Variants in PHTF2 observed in about 807,000 individuals in gnomAD.
PHTF2 encodes protein PHTF2.
A neutral mutation model predicts 101.2 loss-of-function variants in PHTF2; 60 were observed. That is an observed-to-expected ratio of 0.59 (90% CI 0.48 to 0.73). The LOEUF (loss-of-function observed/expected upper bound fraction) is 0.73, where lower values mean the gene tolerates loss of function less well. PHTF2 is among the 30% of genes least tolerant of loss of function. The pLI, the probability that PHTF2 is intolerant of heterozygous loss-of-function variation, is 0.00. For missense variants in PHTF2, 747 were observed against 908.7 expected, an observed-to-expected ratio of 0.82 and a Z score of 2.29; for synonymous variants, 311 against 307.3, an observed-to-expected ratio of 1.01 and a Z score of -0.13.
At position 77,855,145 on chromosome 7, in the gene PHTF2, T is replaced by C. The variant is rs527416206; in HGVS notation, c.147+311T>C. On this transcript the variant is annotated intron_variant, in intron 3 of 19. Coordinates refer to ENST00000416283, the Ensembl canonical transcript of PHTF2. Reference sequence around the variant, plus strand: ...GTGAGTACCGCCTGGGTACCACTTATGTGTATTCAAGACCCAAGGGGTCTT... The same window carrying C: ...GTGAGTACCGCCTGGGTACCACTTACGTGTATTCAAGACCCAAGGGGTCTT... Among the ~76,000 whole-genome samples, 8 of 152,312 alleles carry C rather than the reference T, an allele frequency of 5.3e-5. No individual in the cohort carries two copies. The South Asian group carries it at 1.7e-3, about 32-fold the overall frequency.
intron 3 of PHTF2, among the ~76,000 whole-genome samples, chr7:77,868,952 CAT>C (rs1044401530): frequency 2.0e-5 from 3 of 152,116 alleles, no homozygotes; most frequent in African/African-American, 7.2e-5. Flanking sequence ...TTGTACCACA[CAT>C]AAATATAGAT....
chr7:77,826,859 C>G (rs976052485), intron 1 of PHTF2, among the ~76,000 whole-genome samples: 1 of 152,156 alleles, frequency 6.6e-6, no homozygotes, highest in Non-Finnish European at 1.5e-5. Context: ...ATATAGCACT[C>G]CTTTCTTGAA....
intron 1 of PHTF2, among the ~76,000 whole-genome samples, chr7:77,823,508 C>T (rs1226065911): frequency 2.0e-5 from 3 of 152,238 alleles, no homozygotes; most frequent in Non-Finnish European, 4.4e-5. Context: ...CCTGAGCCAC[C>T]GTGCCTGGCC....
chr7:77,898,743 C>T (rs1439734284), intron 5 of PHTF2, among the ~76,000 whole-genome samples: 1 of 152,040 alleles, frequency 6.6e-6, no homozygotes, highest in Non-Finnish European at 1.5e-5. Context: ...AATTCATGGC[C>T]AACAGCACTG....
intron 3 of PHTF2, among the ~76,000 whole-genome samples, chr7:77,885,678 C>T (rs910916484): frequency 1.3e-5 from 2 of 152,178 alleles, no homozygotes; most frequent in Non-Finnish European, 2.9e-5. Flanking sequence ...CTCCTGACCT[C>T]AGGTGATCTG....
At chr7:77,811,431 T>G (rs919871701) in intron 1 of PHTF2, among the ~76,000 whole-genome samples, 24 of 152,268 alleles carry the variant, frequency 1.6e-4, no homozygotes, top group African/African-American at 5.5e-4. Context: ...AGTATCCTAC[T>G]ACTCTCAAAC....
chr7:77,803,798 A>G (rs1298268618), intron 1 of PHTF2, among the ~76,000 whole-genome samples: 1 of 152,064 alleles, frequency 6.6e-6, no homozygotes, highest in East Asian at 1.9e-4. Flanking sequence ...ATAAAACCTT[A>G]AAGGGAGGCA....
chr7:77,893,393 T>C (rs942842873), intron 3 of PHTF2, among the ~76,000 whole-genome samples: 13 of 152,156 alleles, frequency 8.5e-5, no homozygotes, highest in African/African-American at 2.7e-4. Context: ...AGAGTTTGCA[T>C]TTCTAACAAA....
intron 10 of PHTF2, among the ~76,000 whole-genome samples, chr7:77,921,734 A>C (rs1328282885): frequency 1.3e-5 from 2 of 152,316 alleles, no homozygotes; most frequent in Admixed American, 1.3e-4. Context: ...TTACCTAGTA[A>C]AGTTGTATGA....
intron 1 of PHTF2, among the ~76,000 whole-genome samples, chr7:77,829,257 T>C (rs973376365): frequency 6.6e-5 from 10 of 152,234 alleles, no homozygotes; most frequent in African/African-American, 2.4e-4. Context: ...AGTACGGGTA[T>C]AGAGAGATGT....
intron 7 of PHTF2, among the ~76,000 whole-genome samples, chr7:77,907,660 C>T (rs546745820): frequency 6.6e-6 from 1 of 152,244 alleles, no homozygotes; most frequent in African/African-American, 2.4e-5. Context: ...CCTAAATACC[C>T]ATCTCTTTAA....
intron 1 of PHTF2, among the ~76,000 whole-genome samples, chr7:77,812,443 A>G (rs1318780884): frequency 1.3e-5 from 2 of 152,184 alleles, no homozygotes; most frequent in Admixed American, 1.3e-4. Flanking sequence ...ATTTGTGTGT[A>G]CTGTAAGAAG....
chr7:77,929,893 A>C (rs959880249), intron 12 of PHTF2, among the ~76,000 whole-genome samples: 2 of 151,898 alleles, frequency 1.3e-5, no homozygotes, highest in African/African-American at 2.4e-5. Flanking sequence ...TTAATACTAA[A>C]TCTTCAAAAT....
chr7:77,808,219 A>G (rs1793143286), intron 1 of PHTF2, among the ~76,000 whole-genome samples: 1 of 152,186 alleles, frequency 6.6e-6, no homozygotes, highest in Non-Finnish European at 1.5e-5. Context: ...TCTGCCAAAA[A>G]TGCTCTTGGG....
intron 11 of PHTF2, among the ~76,000 whole-genome samples, chr7:77,924,803 T>G (rs1803806190): frequency 6.6e-6 from 1 of 152,208 alleles, no homozygotes; most frequent in Admixed American, 6.5e-5. Context: ...TAAAACAGGC[T>G]GCTCTGGTGT....
At chr7:77,874,709 CT>C (rs1443780512) in intron 3 of PHTF2, among the ~76,000 whole-genome samples, 2 of 152,182 alleles carry the variant, frequency 1.3e-5, no homozygotes, top group Non-Finnish European at 2.9e-5. Context: ...TGTTAATCTC[CT>C]TTGGCAGCAC....
intron 11 of PHTF2, among the ~76,000 whole-genome samples, chr7:77,926,328 A>G (rs1803998525): frequency 6.6e-6 from 1 of 152,172 alleles, no homozygotes; most frequent in South Asian, 2.1e-4. Flanking sequence ...ATATTTTTGG[A>G]GTGCTGTTCA....
At chr7:77,830,651 C>T (rs1394008246) in intron 1 of PHTF2, among the ~76,000 whole-genome samples, 2 of 152,174 alleles carry the variant, frequency 1.3e-5, no homozygotes, top group African/African-American at 2.4e-5. Flanking sequence ...CGCTGGGGAG[C>T]AGCTGCGAAT....
chr7:77,861,880 A>T (rs1797670808), intron 3 of PHTF2, among the ~76,000 whole-genome samples: 9 of 152,302 alleles, frequency 5.9e-5, no homozygotes, highest in Admixed American at 5.9e-4. Flanking sequence ...CAACATGGAG[A>T]AACCCCGTCT....
Sources: gnomAD v4.1 joint callset for allele counts (sites outside exome capture counted in the v4.1 genomes callset) on GRCh38, gnomAD v4.1.1 for gene constraint, MANE v1.5 for transcripts, NCBI Gene and HGNC (gene_info 2026-07-23, HGNC 2026-07-21) for gene names.